Variants in RAB5C observed in about 807,000 individuals in gnomAD.
RAB5C encodes RAB5C, member RAS oncogene family.
Under a neutral mutation model 25.2 loss-of-function variants are expected in RAB5C, and 4 were observed. The ratio of observed to expected loss-of-function variants is 0.16; its 90% CI spans 0.08 to 0.36. The LOEUF is 0.36. Ranked by LOEUF, RAB5C falls within the 10% of genes least tolerant of loss-of-function variation. The pLI is 1.00. For synonymous variants in RAB5C, 100 were observed against 106.4 expected (o/e 0.94, Z 0.37); for missense variants, 199 against 283.8 (o/e 0.70, Z 2.15).
At chr17:42,144,796 G>A (rs964093715) in intron 1 of RAB5C, among the ~76,000 whole-genome samples, 3 of 151,788 alleles carry the variant, frequency 2.0e-5, no homozygotes, top group South Asian at 2.1e-4. Flanking sequence ...GCGTGGTGGC[G>A]GGCGCCTGTA....
In RAB5C at chr17:42,154,377, G is replaced by C. The variant is rs190979975; in HGVS notation, c.-89+516C>G. On this transcript the variant is annotated intron_variant, in intron 1 of 5. Coordinates refer to ENST00000346213, the MANE Select transcript of RAB5C (RefSeq NM_004583.4). ...TGGTTGGTTCTCTGGCTTGAGGAAAGAGAGGAAGTAAGGAGTTGCGGGAGC... is the reference window on the plus strand; with the variant it reads ...TGGTTGGTTCTCTGGCTTGAGGAAACAGAGGAAGTAAGGAGTTGCGGGAGC... Among the ~76,000 whole-genome samples, 761 of 152,326 alleles carry C rather than the reference G, an allele frequency of 5.0e-3. 2 individuals are homozygous for C. The highest frequency in any genetic ancestry group is 9.3e-3 in the Admixed American group (143 of 15,300).
chr17:42,136,991 T>C (rs1272972280), intron 1 of RAB5C, among the ~76,000 whole-genome samples: 4 of 152,126 alleles, frequency 2.6e-5, no homozygotes, highest in African/African-American at 9.7e-5. Context: ...TAGGAAAAAA[T>C]GAGTTTCTAT....
In RAB5C at chr17:42,125,115, CTCA is replaced by C. The variant is rs2054403918; in HGVS notation, c.*665_*667del. ...CCCCTTACCCACCCACCCCCAAATA[CTCA>C]TCATCATGATTTGGTCAGAACAGGG... On this transcript the variant is annotated 3_prime_UTR_variant, in exon 6 of 6. Coordinates refer to ENST00000346213, the MANE Select transcript of RAB5C (RefSeq NM_004583.4). 1 of 133,724 alleles carries C rather than the reference CTCA, an allele frequency of 7.5e-6. No individual in the cohort carries two copies. The highest frequency in any genetic ancestry group is 1.6e-5 in the Non-Finnish European group (1 of 62,584). 8.3% of individuals were successfully genotyped at this position (133,724 alleles called of 1,614,324 possible).
chr17:42,130,576 G>A lies in RAB5C; in HGVS notation c.-74C>T. On this transcript the variant is annotated 5_prime_UTR_variant, in exon 2 of 6. Transcript: ENST00000346213. ...GCTATGCAAAGAGGCACTTAGTGGG[G>A]AGGGGGACCTCCAACTGTAAGGGAG... is the stretch of plus-strand genomic sequence containing the variant. 6.3e-7 allele frequency: 1 copy of A among 1,587,316 alleles called. No individual in the cohort carries two copies. The highest frequency in any genetic ancestry group is 8.6e-7 in the Non-Finnish European group (1 of 1,165,258).
rs1445552263 is a variant in RAB5C at position 42,128,684 on chromosome 17, G to C, written c.283C>G (p.Gln95Glu). The change falls in exon 3 of 6, where the codon CAG becomes GAG. Residue 95 changes from glutamine to glutamate, a missense_variant. Around this residue, in one of 3 missense-constraint regions of RAB5C, gnomAD observed 154 missense variants for 199.6 expected, o/e 0.77. Coordinates refer to ENST00000346213, the MANE Select transcript of RAB5C (RefSeq NM_004583.4). Reference sequence around the variant, plus strand: ...ATGTCATAGACCACGATGGCAGCCTGGGCCCCCCGATAGTACATGGGGGCC... The same window carrying C: ...ATGTCATAGACCACGATGGCAGCCTCGGCCCCCCGATAGTACATGGGGGCC... The part of the protein sequence containing the change: ...SLAPMYYRGA[Q>E]AAIVVYDITN... The C allele has an allele frequency of 6.6e-7, 1 of 1,512,462 alleles. No homozygotes were observed. The highest frequency in any genetic ancestry group is 8.8e-7 in the Non-Finnish European group (1 of 1,132,700). The allele number at this position is 1,512,462 out of a possible 1,614,324, so 93.7% of individuals were successfully genotyped here. A position where few individuals can be genotyped will look rare whatever the true frequency, so the allele number is the denominator to read the frequency against.
Position 42,130,557 on chromosome 17 carries a change from CAA to C in RAB5C, c.-57_-56del. ...CGTGCGGGTGGGGACTGGTGCTATG[CAA>C]AGAGGCACTTAGTGGGGAGGGGGAC... On this transcript the variant is annotated 5_prime_UTR_variant, in exon 2 of 6. Transcript: ENST00000346213. 2 of 1,601,756 alleles carry C rather than the reference CAA, an allele frequency of 1.2e-6. No homozygotes were observed. The highest frequency in any genetic ancestry group is 8.5e-7 in the Non-Finnish European group (1 of 1,173,108).
At chr17:42,145,698 T>A (rs1473064857) in intron 1 of RAB5C, among the ~76,000 whole-genome samples, 1 of 151,924 alleles carries the variant, frequency 6.6e-6, no homozygotes, top group African/African-American at 2.4e-5. Context: ...GGAGAATGGC[T>A]TGAGCCGAGA....
At chr17:42,131,403 G>GA (rs2054484396) in intron 1 of RAB5C, among the ~76,000 whole-genome samples, 1 of 149,702 alleles carries the variant, frequency 6.7e-6, no homozygotes, top group African/African-American at 2.5e-5. Context: ...AACACACACA[G>GA]AAACACACAC....
rs141455149 is a variant in RAB5C, at chr17:42,134,923, T to A, written c.-88-4333A>T. 4.6e-5 allele frequency among the ~76,000 whole-genome samples: 7 copies of A among 152,004 alleles called. 1 individual carries two copies. Among genetic ancestry groups the A allele is most frequent in the African/African-American group, 1.4e-4 (6 of 41,484 alleles). On this transcript the variant is annotated intron_variant, in intron 1 of 5. Transcript: ENST00000346213. ...GACACTGTTCTTCCCTGCTCCGGGGTTCCCTCTGCTCTGGACACTACAGGT... is the reference window on the plus strand; with the variant it reads ...GACACTGTTCTTCCCTGCTCCGGGGATCCCTCTGCTCTGGACACTACAGGT...
At chr17:42,132,704 CT>C (rs35888254) in intron 1 of RAB5C, among the ~76,000 whole-genome samples, 10 of 147,718 alleles carry the variant, frequency 6.8e-5, no homozygotes, top group Admixed American at 6.8e-5. Flanking sequence ...TTCTTTCTTT[CT>C]TTTTTTTTTG....
At chr17:42,128,121 C>T in intron 4 of RAB5C, 140 bp downstream of exon 4, 1 of 1,255,864 alleles carries the variant, frequency 8.0e-7, no homozygotes, top group Non-Finnish European at 1.1e-6. Flanking sequence ...TAGGCCCATG[C>T]CTGAGGCACG....
chr17:42,130,217 G>T, intron 2 of RAB5C, 120 bp downstream of exon 2: 1 of 1,382,678 alleles, frequency 7.2e-7, no homozygotes, highest in Admixed American at 2.6e-5. Context: ...GAGGAAGTGG[G>T]GCTGCCACCA....
chr17:42,151,863 A>T (rs1179883628), intron 1 of RAB5C, among the ~76,000 whole-genome samples: 2 of 152,130 alleles, frequency 1.3e-5, no homozygotes, highest in African/African-American at 2.4e-5. Flanking sequence ...GGGGAAGACA[A>T]AAAAACAGAG....
chr17:42,135,686 T>C (rs1354909870), intron 1 of RAB5C, among the ~76,000 whole-genome samples: 1 of 152,158 alleles, frequency 6.6e-6, no homozygotes, highest in Non-Finnish European at 1.5e-5. Flanking sequence ...AGACACTAGA[T>C]GCTGCTGCAA....
At chr17:42,150,045 T>C (rs2079660302) in intron 1 of RAB5C, among the ~76,000 whole-genome samples, 1 of 151,994 alleles carries the variant, frequency 6.6e-6, no homozygotes, top group Admixed American at 6.6e-5. Context: ...CCACCACGCC[T>C]GACTAATTTT....
At chr17:42,146,058 C>T (rs1451587456) in intron 1 of RAB5C, among the ~76,000 whole-genome samples, 1 of 152,134 alleles carries the variant, frequency 6.6e-6, no homozygotes, top group East Asian at 1.9e-4. Context: ...CCACCCACCT[C>T]GGCCTCCCAA....
At chr17:42,145,533 C>T (rs1473761717) in intron 1 of RAB5C, among the ~76,000 whole-genome samples, 2 of 152,224 alleles carry the variant, frequency 1.3e-5, no homozygotes, top group East Asian at 1.9e-4. Context: ...TTAGCTCACG[C>T]ATGTAATCCC....
intron 1 of RAB5C, among the ~76,000 whole-genome samples, chr17:42,153,569 G>A (rs1263592904): frequency 6.6e-6 from 1 of 152,146 alleles, no homozygotes; most frequent in Non-Finnish European, 1.5e-5. Context: ...GGTGGTAAAG[G>A]TAGCCCAGAA....
At chr17:42,147,440 C>T (rs2079644581) in intron 1 of RAB5C, among the ~76,000 whole-genome samples, 1 of 152,228 alleles carries the variant, frequency 6.6e-6, no homozygotes, top group Non-Finnish European at 1.5e-5. Context: ...GCTGCCTCAC[C>T]ACACACAACT....
Sources: allele counts gnomAD v4.1 joint callset (sites outside exome capture counted in the v4.1 genomes callset), GRCh38; gene constraint gnomAD v4.1.1; regional missense constraint gnomAD v4.1.1; transcripts MANE v1.5; gene names NCBI Gene and HGNC (gene_info 2026-07-23, HGNC 2026-07-21).